The following KHDRBS2 variants were observed in gnomAD, a reference collection of about 807,000 sequenced individuals.
The protein encoded by KHDRBS2 is KH domain-containing, RNA-binding, signal transduction-associated protein 2.
In KHDRBS2, 26 loss-of-function variants were observed where a neutral mutation model predicts 44.3. The ratio of observed to expected loss-of-function variants is 0.59; its 90% CI spans 0.43 to 0.81. The LOEUF is 0.81. Ranked by LOEUF, KHDRBS2 falls within the 40% of genes least tolerant of loss-of-function variation. KHDRBS2 has a pLI of 0.00. For missense variants in KHDRBS2, 476 were observed against 433.1 expected, an observed-to-expected ratio of 1.10 and a Z score of -0.88; for synonymous variants, 194 against 151.1, an observed-to-expected ratio of 1.28 and a Z score of -2.08.
chr6:61,573,151 C>A, the KHDRBS2 span, among the ~76,000 whole-genome samples: 1 of 152,112 alleles, frequency 6.6e-6, no homozygotes, highest in African/African-American at 2.4e-5. Context: ...GTACACAAGT[C>A]AGTAGCACTG....
chr6:61,681,554 T>A (rs2127537832), intron 8 of KHDRBS2, among the ~76,000 whole-genome samples: 1 of 151,946 alleles, frequency 6.6e-6, no homozygotes, highest in Middle Eastern at 3.4e-3. Context: ...AGGGTTGAGA[T>A]CCATTGTGTT....
intron 1 of KHDRBS2, among the ~76,000 whole-genome samples, chr6:62,241,490 C>T (rs1013831642): frequency 1.3e-5 from 2 of 151,668 alleles, no homozygotes. Flanking sequence ...TGAAAAAATA[C>T]ATTTACAAGT....
At chr6:62,089,730 T>G (rs1426818168) in intron 2 of KHDRBS2, among the ~76,000 whole-genome samples, 1 of 152,202 alleles carries the variant, frequency 6.6e-6, no homozygotes, top group African/African-American at 2.4e-5. Context: ...TAAGTACAAA[T>G]TTTCTGTCTT....
chr6:62,046,270 T>C (rs989521274), intron 3 of KHDRBS2, among the ~76,000 whole-genome samples: 8 of 152,034 alleles, frequency 5.3e-5, no homozygotes, highest in South Asian at 2.1e-4. Flanking sequence ...TAAAACTTTA[T>C]GAACAGGAAA....
the KHDRBS2 span, among the ~76,000 whole-genome samples, chr6:61,560,701 A>C: frequency 6.6e-6 from 1 of 152,144 alleles, no homozygotes; most frequent in Non-Finnish European, 1.5e-5. Context: ...CTCTGATAGA[A>C]TTCGGAATTC....
intron 4 of KHDRBS2, among the ~76,000 whole-genome samples, chr6:61,953,614 C>T (rs1046024464): frequency 5.3e-5 from 8 of 151,938 alleles, no homozygotes; most frequent in Admixed American, 4.6e-4. Context: ...CTCTCTGAAA[C>T]AAAGTTGTAA....
chr6:61,615,233 C>CAAAAAAAAAAAAAAAAAAAAAAAAAAAA, the KHDRBS2 span, among the ~76,000 whole-genome samples: 25 of 58,568 alleles, frequency 4.3e-4, no homozygotes, highest in South Asian at 1.6e-3. Flanking sequence ...ACTCCATCTC[C>CAAAAAAAAAAAAAAAAAAAAAAAAAAAA]AAAAAAAAAA....
At chr6:62,184,387 T>C (rs182893158) in intron 1 of KHDRBS2, among the ~76,000 whole-genome samples, 1 of 151,936 alleles carries the variant, frequency 6.6e-6, no homozygotes, top group Admixed American at 6.6e-5. Context: ...AATGGAACTT[T>C]GCCACGAATA....
intron 2 of KHDRBS2, among the ~76,000 whole-genome samples, chr6:62,065,688 A>G (rs1793476735): frequency 6.8e-6 from 1 of 147,606 alleles, no homozygotes; most frequent in Non-Finnish European, 1.5e-5. Context: ...ATGCTAGATG[A>G]CGAGTTAGTG....
chr6:61,977,415 T>C (rs1158716394), intron 4 of KHDRBS2, among the ~76,000 whole-genome samples: 1 of 152,178 alleles, frequency 6.6e-6, no homozygotes, highest in African/African-American at 2.4e-5. Context: ...AGAAAATCAG[T>C]AGAGAATTCT....
At chr6:61,716,724 G>C (rs1033437274) in intron 7 of KHDRBS2, among the ~76,000 whole-genome samples, 1 of 151,984 alleles carries the variant, frequency 6.6e-6, no homozygotes, top group Admixed American at 6.6e-5. Flanking sequence ...CCTTAAATAT[G>C]TTATTCATAT....
At chr6:61,780,364 GT>G (rs1486363575) in intron 6 of KHDRBS2, among the ~76,000 whole-genome samples, 2 of 152,130 alleles carry the variant, frequency 1.3e-5, no homozygotes, top group Non-Finnish European at 2.9e-5. Context: ...GCCAGGTGTG[GT>G]GGCGTGTGCC....
chr6:61,942,887 C>A (rs1384669806), intron 4 of KHDRBS2, among the ~76,000 whole-genome samples: 4 of 149,316 alleles, frequency 2.7e-5, no homozygotes, highest in African/African-American at 9.9e-5. Flanking sequence ...TCAGCAGAAA[C>A]CTTATAGGCC....
At chr6:61,587,015 A>G in the KHDRBS2 span, among the ~76,000 whole-genome samples, 1 of 152,090 alleles carries the variant, frequency 6.6e-6, no homozygotes, top group African/African-American at 2.4e-5. Context: ...ACACCCGTTC[A>G]TTTCACTTTC....
At chr6:61,715,879 T>C (rs926469011) in intron 7 of KHDRBS2, among the ~76,000 whole-genome samples, 1 of 151,960 alleles carries the variant, frequency 6.6e-6, no homozygotes, top group African/African-American at 2.4e-5. Flanking sequence ...TATATTTGAA[T>C]CCTTAAAATG....
chr6:61,867,375 C>A (rs1199727251), intron 6 of KHDRBS2, among the ~76,000 whole-genome samples: 1 of 152,110 alleles, frequency 6.6e-6, no homozygotes, highest in Non-Finnish European at 1.5e-5. Flanking sequence ...TACCTCCCAC[C>A]ATGTGCCTTC....
intron 7 of KHDRBS2, among the ~76,000 whole-genome samples, chr6:61,721,651 G>T (rs1255864991): frequency 1.6e-5 from 2 of 124,522 alleles, no homozygotes; most frequent in Non-Finnish European, 3.7e-5. Flanking sequence ...CTTTGCTGAA[G>T]TTGCTTATCA....
At chr6:61,697,286 T>C (rs1768011162) in intron 7 of KHDRBS2, 33 bp from the exon 8 acceptor site, 3 of 1,392,902 alleles carry the variant, frequency 2.2e-6, no homozygotes, top group East Asian at 4.6e-5. Context: ...TCAATGTTAC[T>C]ATAACCAGGA....
intron 2 of KHDRBS2, among the ~76,000 whole-genome samples, chr6:62,064,266 A>G (rs1168455475): frequency 6.7e-6 from 1 of 149,066 alleles, no homozygotes; most frequent in Non-Finnish European, 1.5e-5. Context: ...TCTTCACAGA[A>G]TTGGAAAAAA....
Sources: gnomAD v4.1 joint callset for allele counts (sites outside exome capture counted in the v4.1 genomes callset) on GRCh38, gnomAD v4.1.1 for gene constraint, MANE v1.5 for transcripts, NCBI Gene and HGNC (gene_info 2026-07-23, HGNC 2026-07-21) for gene names.